Variants in AFF4 observed in about 807,000 individuals in gnomAD.
AFF4 encodes the protein AF4/FMR2 family member 4.
In AFF4, 13 loss-of-function variants were observed where a neutral mutation model predicts 124.8. The ratio of observed to expected loss-of-function variants is 0.10; its 90% confidence interval spans 0.07 to 0.17. AFF4 has a LOEUF of 0.17. Among genes scored for constraint, AFF4 ranks in the 10% least tolerant of loss-of-function variants. The pLI is 1.00. For missense variants in AFF4, 1,092 were observed against 1,403.8 expected (o/e 0.78, Z 3.55); for synonymous variants, 477 against 496.1 (o/e 0.96, Z 0.51).
Position 132,883,411 on chromosome 5 carries a change from T to C in AFF4, c.3293A>G (p.Gln1098Arg). The part of the protein sequence containing the change: ...KIHQMAASYV[Q>R]VTSNFLYATE... ...GGCATAGAGGAAGTTGGATGTGACC[T>C]GAACATAGCTGGCTGCCATCTGGTG... is the stretch of plus-strand genomic sequence containing the variant. The change falls in exon 20 of 21, where the codon CAG becomes CGG. Residue 1098 changes from glutamine to arginine, a missense_variant. This residue lies in a region of AFF4 where 173 missense variants were observed against 294.9 expected (regional missense o/e 0.59). Coordinates refer to ENST00000265343, the MANE Select transcript of AFF4 (RefSeq NM_014423.4). 6.2e-7 allele frequency: 1 copy of C among 1,614,098 alleles called. No homozygotes were observed. Among genetic ancestry groups the C allele is most frequent in the Non-Finnish European group, 8.5e-7 (1 of 1,180,016 alleles).
At chr5:132,894,816 T>G (rs1760345641) in intron 11 of AFF4, among the ~76,000 whole-genome samples, 1 of 151,962 alleles carries the variant, frequency 6.6e-6, no homozygotes. Flanking sequence ...TAGCCAGGTG[T>G]GGGGTCGCAT....
chr5:132,891,458 G>A (rs939883691), intron 13 of AFF4, among the ~76,000 whole-genome samples: 4 of 152,154 alleles, frequency 2.6e-5, no homozygotes, highest in African/African-American at 9.7e-5. Flanking sequence ...AACAAATTGA[G>A]GTTGAGTGAC....
intron 1 of AFF4, among the ~76,000 whole-genome samples, chr5:132,941,397 A>G (rs78451110): frequency 0.02 from 3,064 of 152,136 alleles, 80 homozygotes; most frequent in African/African-American, 0.055. Flanking sequence ...GCAGTGGCAC[A>G]ATCTCAGCTC....
intron 11 of AFF4, among the ~76,000 whole-genome samples, chr5:132,894,119 A>G (rs1760329761): frequency 6.6e-6 from 1 of 152,232 alleles, no homozygotes; most frequent in Non-Finnish European, 1.5e-5. Context: ...GGCTAATATG[A>G]ATAATGCTAC....
At chr5:132,944,782 T>C (rs894976286) in intron 1 of AFF4, among the ~76,000 whole-genome samples, 6 of 151,484 alleles carry the variant, frequency 4.0e-5, no homozygotes, top group East Asian at 3.9e-4. Flanking sequence ...ATACAAAAAT[T>C]AGCCAAGCAT....
intron 5 of AFF4, among the ~76,000 whole-genome samples, chr5:132,918,165 G>A (rs938625973): frequency 1.3e-5 from 2 of 150,990 alleles, no homozygotes; most frequent in African/African-American, 4.9e-5. Context: ...GGCCAAGGTG[G>A]GCAGACCACT....
At chr5:132,933,609 CAATTT>C (rs909077722) in intron 3 of AFF4, among the ~76,000 whole-genome samples, 1 of 152,022 alleles carries the variant, frequency 6.6e-6, no homozygotes, top group African/African-American at 2.4e-5. Context: ...GTAAGCAATT[CAATTT>C]AAATTTCAAA....
Position 132,896,743 on chromosome 5 carries a change from T to G in AFF4, c.1887A>C (p.Lys629Asn). 1 of 1,614,188 alleles carries G rather than the reference T, an allele frequency of 6.2e-7. No individual in the cohort carries two copies. The highest frequency in any genetic ancestry group is 8.5e-7 in the Non-Finnish European group (1 of 1,180,028). ...SSPRPTAEKKKYKSTSKSSQK... is the reference protein window; with the variant it reads ...SSPRPTAEKKNYKSTSKSSQK... Reference sequence around the variant, plus strand: ...GGGAAGATTTACTTGTTGACTTATATTTCTTTTTCTCTGCTGTAGGTCGAG... The same window carrying G: ...GGGAAGATTTACTTGTTGACTTATAGTTCTTTTTCTCTGCTGTAGGTCGAG... The change falls in exon 11 of 21, where the codon AAA (lysine) becomes AAC (asparagine). Residue 629 changes from lysine (K) to asparagine (N), a missense_variant. Transcript: ENST00000265343.
chr5:132,881,358 A>G (rs1759973600), intron 20 of AFF4, among the ~76,000 whole-genome samples, 172 bp from the exon 21 acceptor site: 1 of 152,246 alleles, frequency 6.6e-6, no homozygotes, highest in African/African-American at 2.4e-5. Context: ...CTCTCAAGTT[A>G]CATTTGTTCC....
At position 132,934,720 on chromosome 5, in the gene AFF4, G is replaced by A. The variant is rs1761385603; in HGVS notation, c.345C>T (p.Pro115=). The change falls in exon 3 of 21, where the codon CCC becomes CCT. Residue 115 remains proline (P), a synonymous_variant. Transcript: ENST00000265343. ...SSKWTPVGPA[P]STSQSQKRSS... ...ACCGTTTCTGAGACTGAGAAGTGCT[G>A]GGTGCGGGTCCTACTGGAGTCCATT... 6.2e-7 allele frequency: 1 copy of A among 1,614,106 alleles called. No homozygotes were observed. The highest frequency in any genetic ancestry group is 8.5e-7 in the Non-Finnish European group (1 of 1,180,022).
rs1760303256 is a variant in AFF4, at chr5:132,893,069, T to G, written c.2357A>C (p.Asp786Ala). Residue 786 changes from aspartate to alanine, a missense_variant, in exon 12 of 21, where the codon GAC becomes GCC. Around this residue, in one of 11 missense-constraint regions of AFF4, gnomAD observed 293 missense variants for 280.2 expected, o/e 1.05. Coordinates refer to ENST00000265343, the MANE Select transcript of AFF4 (RefSeq NM_014423.4). ...ASESKKPKTE[D>A]KNSAGHKPSS... Reference sequence around the variant, plus strand: ...TGGCTTATGGCCTGCTGAATTCTTGTCCTCCGTTTTGGGTTTCTTGCTCTC... The same window carrying G: ...TGGCTTATGGCCTGCTGAATTCTTGGCCTCCGTTTTGGGTTTCTTGCTCTC... The G allele has an allele frequency of 2.5e-6, 4 of 1,614,042 alleles. No individual in the cohort carries two copies. The highest frequency in any genetic ancestry group is 1.3e-5 in the African/African-American group (1 of 74,934).
chr5:132,957,254 T>G (rs67685368), intron 1 of AFF4, among the ~76,000 whole-genome samples: 17,452 of 150,346 alleles, frequency 0.12, 1,282 homozygotes, highest in South Asian at 0.2. Context: ...GGCAGGAGGA[T>G]CACATGTGTG....
intron 5 of AFF4, among the ~76,000 whole-genome samples, chr5:132,910,211 T>C (rs1424867378): frequency 2.0e-5 from 3 of 152,188 alleles, no homozygotes; most frequent in Non-Finnish European, 4.4e-5. Flanking sequence ...ATGAATCACA[T>C]GGAACAGAGG....
chr5:132,963,054 C>CT (rs951343063), intron 1 of AFF4, among the ~76,000 whole-genome samples: 1 of 152,120 alleles, frequency 6.6e-6, no homozygotes, highest in Non-Finnish European at 1.5e-5. Flanking sequence ...ATTGGGTTAG[C>CT]TTTTTTTATT....
At chr5:132,903,961 A>C (rs1760611265) in intron 6 of AFF4, 1 of 159,592 alleles carries the variant, frequency 6.3e-6, no homozygotes, top group Non-Finnish European at 1.4e-5. Context: ...CCATTAGATC[A>C]TAAAAATTAG....
chr5:132,955,795 A>AAAAAAAT (rs1554079227), intron 1 of AFF4, among the ~76,000 whole-genome samples: 3 of 117,528 alleles, frequency 2.6e-5, no homozygotes, highest in African/African-American at 1.1e-4. Context: ...AAAAAAAAAA[A>AAAAAAAT]ATATATATAT....
chr5:132,952,821 C>T (rs985151182), intron 1 of AFF4, among the ~76,000 whole-genome samples: 44 of 152,046 alleles, frequency 2.9e-4, no homozygotes, highest in Admixed American at 1.3e-4. Context: ...TCACTTGAAC[C>T]TGGGAGGCAG....
At chr5:132,932,146 G>T (rs1207516745) in intron 4 of AFF4, 32 bp downstream of exon 4, 6 of 1,541,306 alleles carry the variant, frequency 3.9e-6, no homozygotes, top group Non-Finnish European at 5.3e-6. Context: ...AAAAATTAAA[G>T]AAATTGAAAT....
At chr5:132,914,340 C>T (rs1487772326) in intron 5 of AFF4, among the ~76,000 whole-genome samples, 3 of 152,132 alleles carry the variant, frequency 2.0e-5, no homozygotes, top group South Asian at 2.1e-4. Flanking sequence ...CAGCGGCTCA[C>T]GCCTGTAATC....
Sources: gnomAD v4.1 joint callset for allele counts (sites outside exome capture counted in the v4.1 genomes callset) on GRCh38, gnomAD v4.1.1 for gene constraint, gnomAD v4.1.1 regional missense constraint, MANE v1.5 for transcripts, NCBI Gene and HGNC (gene_info 2026-07-23, HGNC 2026-07-21) for gene names.